The following CACNB4 variants were observed in gnomAD, a reference collection of about 807,000 sequenced individuals.
The protein encoded by CACNB4 is voltage-dependent L-type calcium channel subunit beta-4.
Under a neutral mutation model 71.2 loss-of-function variants are expected in CACNB4, and 32 were observed. The observed-to-expected ratio is 0.45, with a 90% CI of 0.34 to 0.60. CACNB4 has a LOEUF of 0.60. CACNB4 is among the 20% of genes least tolerant of loss of function. The pLI, the probability that CACNB4 is intolerant of heterozygous loss-of-function variation, is 0.01. For synonymous variants in CACNB4, 231 were observed against 236.9 expected, an observed-to-expected ratio of 0.97 and a Z score of 0.23; for missense variants, 464 against 647.9, an observed-to-expected ratio of 0.72 and a Z score of 3.08.
chr2:152,042,590 G>A (rs1328256939), intron 2 of CACNB4, among the ~76,000 whole-genome samples: 2 of 152,140 alleles, frequency 1.3e-5, no homozygotes, highest in African/African-American at 4.8e-5. Context: ...GTGGCCATCT[G>A]CTGATAGCAG....
At chr2:151,870,730 C>A in intron 7 of CACNB4, 112 bp downstream of exon 7, 1 of 1,209,058 alleles carries the variant, frequency 8.3e-7, no homozygotes, top group Non-Finnish European at 1.2e-6. Flanking sequence ...AAAGTCCCCA[C>A]CGAGGAGGCT....
Position 151,896,691 on chromosome 2 carries a change from T to A in CACNB4, c.148-13321A>T, listed in dbSNP as rs143543899. On this transcript the variant is annotated intron_variant, in intron 2 of 13. Coordinates refer to ENST00000539935, the MANE Select transcript of CACNB4 (RefSeq NM_000726.5). ...TGACAGCAAGGCTTGCTTTTTTGAT[T>A]CCTATCTGCTAATTCTGTGTTCTGT... Among the ~76,000 whole-genome samples the A allele has an allele frequency of 9.2e-5, 14 of 152,300 alleles. No homozygotes were observed. The East Asian group carries it at 2.7e-3, about 29-fold the overall frequency.
intron 8 of CACNB4, 79 bp downstream of exon 8, chr2:151,870,452 C>A (rs751574233): frequency 4.9e-6 from 6 of 1,217,234 alleles, no homozygotes; most frequent in Non-Finnish European, 7.2e-6. Flanking sequence ...TGGAAACAGA[C>A]CCTTGAGGAG....
At chr2:152,025,542 T>C (rs960752951) in intron 2 of CACNB4, among the ~76,000 whole-genome samples, 1 of 152,152 alleles carries the variant, frequency 6.6e-6, no homozygotes, top group Non-Finnish European at 1.5e-5. Context: ...GCTGTAACAC[T>C]AAAAGAATGA....
At chr2:151,847,117 A>G (rs2099837808) in intron 12 of CACNB4, among the ~76,000 whole-genome samples, 1 of 151,602 alleles carries the variant, frequency 6.6e-6, no homozygotes, top group African/African-American at 2.4e-5. Context: ...AAAAAAAAAA[A>G]AAAGATTGGG....
chr2:151,917,493 G>A (rs1366369888), intron 2 of CACNB4, among the ~76,000 whole-genome samples: 1 of 152,138 alleles, frequency 6.6e-6, no homozygotes, highest in African/African-American at 2.4e-5. Flanking sequence ...CCCAGTAAAT[G>A]TTTAAAAATA....
chr2:152,089,768 C>T (rs1687865750), intron 2 of CACNB4, among the ~76,000 whole-genome samples: 2 of 150,318 alleles, frequency 1.3e-5, no homozygotes, highest in African/African-American at 2.5e-5. Context: ...CCCATTTCTA[C>T]TAAAAGTAAA....
intron 2 of CACNB4, among the ~76,000 whole-genome samples, chr2:152,071,186 C>T (rs1006862194): frequency 1.3e-5 from 2 of 152,192 alleles, no homozygotes; most frequent in Non-Finnish European, 2.9e-5. Flanking sequence ...ATTTCTTAGG[C>T]TATTAATATC....
chr2:151,876,734 G>GACTATATA lies in CACNB4; in HGVS notation c.391-179_391-178insTATATAGT, dbSNP rs1553757331. 8.9e-5 allele frequency among the ~76,000 whole-genome samples: 6 copies of GACTATATA among 67,756 alleles called. No individual in the cohort carries two copies. In the South Asian group the frequency reaches 2.0e-3, roughly 23 times the overall value. The allele number at this position is 67,756 out of a possible 152,430, so 44.5% of individuals were successfully genotyped here. ...ACTATATTTTATATACTATACTATAGACTATATTTTATATGTATATGTGTG... is the reference window on the plus strand; with the variant it reads ...ACTATATTTTATATACTATACTATAGACTATATAACTATATTTTATATGTATATGTGTG... On this transcript the variant is annotated intron_variant, in intron 4 of 13. Coordinates refer to ENST00000539935, the MANE Select transcript of CACNB4 (RefSeq NM_000726.5).
At chr2:151,858,613 T>C (rs1409012990) in intron 10 of CACNB4, 1 of 152,232 alleles carries the variant, frequency 6.6e-6, no homozygotes, top group Non-Finnish European at 1.5e-5. Flanking sequence ...TACTATGTTG[T>C]AAAATTAACA....
At chr2:152,008,326 G>A (rs1486641816) in intron 2 of CACNB4, among the ~76,000 whole-genome samples, 5 of 150,308 alleles carry the variant, frequency 3.3e-5, no homozygotes, top group Non-Finnish European at 5.9e-5. Flanking sequence ...TCACTCTGTC[G>A]CCCAGGCTGG....
At chr2:151,920,620 G>T (rs1199708103) in intron 2 of CACNB4, among the ~76,000 whole-genome samples, 2 of 151,772 alleles carry the variant, frequency 1.3e-5, no homozygotes, top group Non-Finnish European at 2.9e-5. Flanking sequence ...TGAGCACTAT[G>T]CCAGGCCCAG....
In CACNB4 at chr2:152,079,119, C is replaced by T. The variant is rs149804375; in HGVS notation, c.147+19211G>A. Among the ~76,000 whole-genome samples the T allele has an allele frequency of 5.7e-3, 861 of 152,178 alleles. 4 individuals are homozygous for T. The highest frequency in any genetic ancestry group is 0.02 in the African/African-American group (822 of 41,524). On this transcript the variant is annotated intron_variant, in intron 2 of 13. Transcript: ENST00000539935. ...TTGTTGTTGTTTTGAGACACAGTCT[C>T]ACTCTGTCGCCCAGGCTGGAGTGCA...
At position 151,851,863 on chromosome 2, in the gene CACNB4, C is replaced by G. The variant is rs527866833; in HGVS notation, c.1116+1585G>C. ...TTCCCGGCTTTTGATAGCTAGACAACAAAGATTATCTTCCTTCAACTGTGA... is the reference window on the plus strand; with the variant it reads ...TTCCCGGCTTTTGATAGCTAGACAAGAAAGATTATCTTCCTTCAACTGTGA... On this transcript the variant is annotated intron_variant, in intron 12 of 13. Transcript: ENST00000539935. 10 of 152,244 alleles carry G rather than the reference C, an allele frequency of 6.6e-5. No homozygotes were observed. In the Middle Eastern group the frequency reaches 0.014, roughly 207 times the overall value. The allele number at this position is 152,244 out of a possible 1,614,324, so 9.4% of individuals were successfully genotyped here.
At chr2:151,995,875 A>G (rs1682013998) in intron 2 of CACNB4, among the ~76,000 whole-genome samples, 1 of 152,214 alleles carries the variant, frequency 6.6e-6, no homozygotes. Context: ...GTTTACTTCA[A>G]TATTTACTCC....
chr2:151,916,950 G>T (rs2099857686), intron 2 of CACNB4, among the ~76,000 whole-genome samples: 1 of 152,248 alleles, frequency 6.6e-6, no homozygotes. Flanking sequence ...GGAAATGTCA[G>T]CGGTGCCAAA....
At chr2:152,099,106 T>G, upstream of CACNB4, 1 of 728,108 alleles carries the variant, frequency 1.4e-6, no homozygotes, top group Non-Finnish European at 2.1e-6. Context: ...GGCGCAGGAC[T>G]TCCCCACCCG....
At chr2:151,940,929 G>T (rs2099864068) in intron 2 of CACNB4, among the ~76,000 whole-genome samples, 1 of 152,120 alleles carries the variant, frequency 6.6e-6, no homozygotes, top group African/African-American at 2.4e-5. Context: ...GTTCATTTTT[G>T]ACATTTCCTT....
At position 152,098,197 on chromosome 2, in the gene CACNB4, G is replaced by C. The variant is rs1472585093; in HGVS notation, c.147+133C>G. ...GGGAGAGGGACTGAGCCCGAGCACC[G>C]GCCGAGGCCGGGAAGAGACGCGCGC... On this transcript the variant is annotated intron_variant, in intron 2 of 13. Transcript: ENST00000539935. This position sits in a 1 kb window ranked among gnomAD's most constrained non-coding sequence, Gnocchi z 5.3. 6.0e-6 allele frequency: 4 copies of C among 661,740 alleles called. No homozygotes were observed. Among genetic ancestry groups the C allele is most frequent in the South Asian group, 5.4e-5 (3 of 55,372 alleles). The allele number at this position is 661,740 out of a possible 1,614,324, so 41.0% of individuals were successfully genotyped here.
Sources: allele counts gnomAD v4.1 joint callset (sites outside exome capture counted in the v4.1 genomes callset), GRCh38; gene constraint gnomAD v4.1.1; non-coding constraint Gnocchi (gnomAD v3.1); transcripts MANE v1.5; gene names NCBI Gene and HGNC (gene_info 2026-07-23, HGNC 2026-07-21).